The following BCL2L13 variants were observed in gnomAD, a reference collection of about 807,000 sequenced individuals.
BCL2L13 encodes bcl-2-like protein 13.
In BCL2L13, 13 loss-of-function variants were observed where a neutral mutation model predicts 25.8. The observed-to-expected ratio is 0.50, with a 90% CI of 0.33 to 0.80. The LOEUF is 0.80. BCL2L13 is among the 30% of genes least tolerant of loss of function. The probability of loss-of-function intolerance (pLI) is 0.02; values close to 1 mark genes in which losing one functional copy is unlikely to be tolerated. For synonymous variants in BCL2L13, 244 were observed against 230.3 expected (o/e 1.06, Z -0.54); for missense variants, 504 against 574.9 (o/e 0.88, Z 1.26).
At chr22:17,640,843 C>T (rs1308265077) in intron 1 of BCL2L13, among the ~76,000 whole-genome samples, 2 of 151,438 alleles carry the variant, frequency 1.3e-5, no homozygotes, top group African/African-American at 4.8e-5. Context: ...GACAGAGACC[C>T]TGACTCAAAA....
chr22:17,695,396 A>G (rs1286965538), intron 4 of BCL2L13, among the ~76,000 whole-genome samples: 2 of 152,076 alleles, frequency 1.3e-5, no homozygotes, highest in African/African-American at 2.4e-5. Flanking sequence ...ATCTCGGCTC[A>G]CTGCAATCTC....
chr22:17,631,104 A>T (rs1036870038), intron 1 of BCL2L13, among the ~76,000 whole-genome samples: 1 of 143,874 alleles, frequency 7.0e-6, no homozygotes, highest in Non-Finnish European at 1.6e-5. Context: ...AAAATCACTC[A>T]ATTTTTTTTT....
upstream of BCL2L13, chr22:17,638,488 G>C: frequency 2.5e-6 from 1 of 403,104 alleles, no homozygotes; most frequent in Non-Finnish European, 4.3e-6. Flanking sequence ...TCTTTCCCTG[G>C]AATCGCCTGC....
At chr22:17,645,828 C>G (rs75826670) in intron 1 of BCL2L13, among the ~76,000 whole-genome samples, 13 of 151,340 alleles carry the variant, frequency 8.6e-5, no homozygotes, top group Non-Finnish European at 7.3e-5. Context: ...AGTTGGCCCT[C>G]TTTATCCAGT....
chr22:17,679,226 G>A (rs116272961), intron 2 of BCL2L13, among the ~76,000 whole-genome samples: 243 of 151,190 alleles, frequency 1.6e-3, no homozygotes, highest in African/African-American at 5.6e-3. Flanking sequence ...CATGTCCTGG[G>A]AATGTGGATT....
rs769725401 is a variant in BCL2L13 at position 17,638,809 on chromosome 22, C to T, written c.-128C>T. 2.4e-6 allele frequency: 3 copies of T among 1,231,980 alleles called. No individual in the cohort carries two copies. The highest frequency in any genetic ancestry group is 3.0e-6 in the Non-Finnish European group (3 of 988,188). 76.3% of individuals were successfully genotyped at this position (1,231,980 alleles called of 1,614,324 possible). A position where few individuals can be genotyped will look rare whatever the true frequency, so the allele number is the denominator to read the frequency against. The stretch of plus-strand genomic sequence containing the variant: ...TTAGGGCCGCGGGTCGGAGCACTCA[C>T]CGCCGCTGGGGGACCCTGTCGGAAG... On this transcript the variant is annotated 5_prime_UTR_variant, in exon 1 of 7. Transcript: ENST00000317582.
chr22:17,673,484 C>G (rs1262210235), intron 2 of BCL2L13, among the ~76,000 whole-genome samples: 1 of 151,166 alleles, frequency 6.6e-6, no homozygotes, highest in East Asian at 1.9e-4. Context: ...TCACCTGCCT[C>G]AGGCTCCTGA....
Position 17,650,629 on chromosome 22 carries a change from G to C in BCL2L13, c.-50-5033G>C, listed in dbSNP as rs371455776. On this transcript the variant is annotated intron_variant, in intron 1 of 6. Transcript: ENST00000317582. Reference sequence around the variant, plus strand: ...TGATTTTCCTTTTCCAAGTCTGAAAGTATATTGAATATTCTTTTACAAACT... The same window carrying C: ...TGATTTTCCTTTTCCAAGTCTGAAACTATATTGAATATTCTTTTACAAACT... Among the ~76,000 whole-genome samples the C allele has an allele frequency of 3.9e-4, 59 of 152,172 alleles. 1 individual carries two copies. Among genetic ancestry groups the C allele is most frequent in the South Asian group, 1.0e-3 (5 of 4,824 alleles).
intron 6 of BCL2L13, chr22:17,703,345 CTAAT>C: frequency 6.6e-6 from 1 of 152,082 alleles, no homozygotes; most frequent in East Asian, 1.9e-4. Context: ...ATTATTTTGT[CTAAT>C]TATTTACTAA....
chr22:17,673,513 G>A (rs1467580199), intron 2 of BCL2L13, among the ~76,000 whole-genome samples: 4 of 148,674 alleles, frequency 2.7e-5, no homozygotes, highest in East Asian at 2.0e-4. Flanking sequence ...AACTACAGTC[G>A]CCCACTACCA....
chr22:17,704,382 G>A (rs1269582134), intron 6 of BCL2L13, among the ~76,000 whole-genome samples: 1 of 152,074 alleles, frequency 6.6e-6, no homozygotes, highest in Non-Finnish European at 1.5e-5. Context: ...ACTGCACCTG[G>A]CCTTCATTAA....
chr22:17,639,621 G>T (rs1286532745), intron 1 of BCL2L13, among the ~76,000 whole-genome samples: 1 of 152,162 alleles, frequency 6.6e-6, no homozygotes, highest in Non-Finnish European at 1.5e-5. Flanking sequence ...CCCTGCACAA[G>T]TGTTTGTTTA....
intron 4 of BCL2L13, among the ~76,000 whole-genome samples, chr22:17,693,372 G>GTTTTTTT (rs869268984): frequency 1.4e-5 from 1 of 70,612 alleles, no homozygotes; most frequent in African/African-American, 5.2e-5. Flanking sequence ...TTTAGTGTTT[G>GTTTTTTT]TTTTTTTTTT....
chr22:17,689,383 G>A (rs748353653), intron 4 of BCL2L13, among the ~76,000 whole-genome samples: 8 of 152,140 alleles, frequency 5.3e-5, no homozygotes, highest in Non-Finnish European at 1.0e-4. Flanking sequence ...ATGTTGAGCT[G>A]TCAGGTTTCA....
chr22:17,687,575 G>A lies in BCL2L13; in HGVS notation c.230-1411G>A, dbSNP rs1399706916. 2.6e-5 allele frequency among the ~76,000 whole-genome samples: 4 copies of A among 152,126 alleles called. No homozygotes were observed. In the East Asian group the frequency reaches 5.8e-4, roughly 22 times the overall value. ...TCTGTCACCCAGGCTGGAGTGCAGT[G>A]TCGCAGTCTCGGCCTACTGCAAGTT... On this transcript the variant is annotated intron_variant, in intron 3 of 6. Coordinates refer to ENST00000317582, the MANE Select transcript of BCL2L13 (RefSeq NM_015367.4).
At chr22:17,713,470 T>G (rs962496905) in intron 6 of BCL2L13, among the ~76,000 whole-genome samples, 2 of 150,640 alleles carry the variant, frequency 1.3e-5, no homozygotes, top group Non-Finnish European at 3.0e-5. Context: ...ATTTTTTTTT[T>G]TTTTTTTTGG....
chr22:17,666,678 CTTT>C (rs35623813), intron 2 of BCL2L13, among the ~76,000 whole-genome samples: 6 of 121,378 alleles, frequency 4.9e-5, no homozygotes, highest in South Asian at 2.6e-4. Context: ...GGACCTCATT[CTTT>C]TTTTTTTTTT....
At chr22:17,642,454 C>A (rs1003951351) in intron 1 of BCL2L13, among the ~76,000 whole-genome samples, 1 of 151,636 alleles carries the variant, frequency 6.6e-6, no homozygotes, top group Non-Finnish European at 1.5e-5. Context: ...CCACCACGCC[C>A]GGCCTGTCTG....
At chr22:17,676,710 A>G (rs1041169277) in intron 2 of BCL2L13, among the ~76,000 whole-genome samples, 32 of 152,210 alleles carry the variant, frequency 2.1e-4, no homozygotes, top group Admixed American at 1.5e-3. Context: ...TTGTGCAGTT[A>G]TATTAATCAG....
Sources: allele counts gnomAD v4.1 joint callset (sites outside exome capture counted in the v4.1 genomes callset), GRCh38; gene constraint gnomAD v4.1.1; transcripts MANE v1.5; gene names NCBI Gene and HGNC (gene_info 2026-07-23, HGNC 2026-07-21).